TMEM108: variants seen among roughly 807,000 people sequenced by gnomAD.
TMEM108 encodes the protein cancer/testis antigen 124.
Under a neutral mutation model 35.1 loss-of-function variants are expected in TMEM108, and 12 were observed. The ratio of observed to expected loss-of-function variants is 0.34; its 90% CI spans 0.22 to 0.55. TMEM108 has a LOEUF of 0.55. Ranked by LOEUF, TMEM108 falls within the 20% of genes least tolerant of loss-of-function variation. The pLI is 0.89. For missense variants in TMEM108, 680 were observed against 753.3 expected, an observed-to-expected ratio of 0.90 and a Z score of 1.14; for synonymous variants, 287 against 308.6, an observed-to-expected ratio of 0.93 and a Z score of 0.73.
intron 2 of TMEM108, among the ~76,000 whole-genome samples, chr3:133,079,116 G>A (rs1943779837): frequency 6.6e-6 from 1 of 152,186 alleles, no homozygotes; most frequent in Non-Finnish European, 1.5e-5. Context: ...TTACGAAGGG[G>A]AAGACATAAT....
chr3:133,061,319 C>A (rs565799732), intron 2 of TMEM108, among the ~76,000 whole-genome samples: 1 of 151,406 alleles, frequency 6.6e-6, no homozygotes, highest in East Asian at 2.0e-4. Flanking sequence ...TCACGCCATT[C>A]TCCACCTCAG....
intron 2 of TMEM108, among the ~76,000 whole-genome samples, chr3:133,185,784 C>CTTTTTTTTTTTTTT (rs11309146): frequency 2.4e-5 from 3 of 127,094 alleles, no homozygotes; most frequent in African/African-American, 5.7e-5. Context: ...CTTTTCTTTT[C>CTTTTTTTTTTTTTT]TTTTTTTTTT....
chr3:133,096,757 T>G (rs747185325), intron 2 of TMEM108, among the ~76,000 whole-genome samples: 11 of 152,262 alleles, frequency 7.2e-5, no homozygotes, highest in Non-Finnish European at 1.5e-4. Flanking sequence ...ATGTTTCTCA[T>G]ATTCTAGAAG....
chr3:133,310,504 A>T, intron 3 of TMEM108, among the ~76,000 whole-genome samples: 2 of 83,086 alleles, frequency 2.4e-5, no homozygotes, highest in African/African-American at 9.2e-5. Context: ...AGTCTGTTTT[A>T]TCAGAGACTA....
chr3:133,223,752 C>T (rs1946026961), intron 2 of TMEM108, among the ~76,000 whole-genome samples: 1 of 149,780 alleles, frequency 6.7e-6, no homozygotes, highest in Non-Finnish European at 1.5e-5. Flanking sequence ...TATATAGAGG[C>T]AATTAGGAAA....
At chr3:133,038,914 C>T (rs755090445) in intron 1 of TMEM108, among the ~76,000 whole-genome samples, 2 of 152,234 alleles carry the variant, frequency 1.3e-5, no homozygotes, top group Non-Finnish European at 2.9e-5. Flanking sequence ...AGCCGAATTC[C>T]TAGCGCAGCT....
intron 2 of TMEM108, among the ~76,000 whole-genome samples, chr3:133,173,667 C>T (rs1278806773): frequency 2.0e-5 from 3 of 152,078 alleles, no homozygotes; most frequent in African/African-American, 7.2e-5. Flanking sequence ...AGTTAATGAC[C>T]ATATAGCTTT....
rs115749499 is a variant in TMEM108 at position 133,181,789 on chromosome 3, G to A, written c.-46-47477G>A. Among the ~76,000 whole-genome samples, 647 of 152,296 alleles carry A rather than the reference G, an allele frequency of 4.2e-3. 3 individuals are homozygous for A. Among genetic ancestry groups the A allele is most frequent in the African/African-American group, 0.014 (597 of 41,576 alleles). ...ATCTTGGACTTTGGTAATTGCAACA[G>A]AGATTAACCAGCTAGTCAACTGAAA... is the stretch of plus-strand genomic sequence containing the variant. On this transcript the variant is annotated intron_variant, in intron 2 of 5. Transcript: ENST00000321871.
chr3:133,280,094 C>CAGA (rs751233581), intron 3 of TMEM108, among the ~76,000 whole-genome samples: 1 of 152,074 alleles, frequency 6.6e-6, no homozygotes, highest in Non-Finnish European at 1.5e-5. Flanking sequence ...GATCCCCAGT[C>CAGA]AGAGGAGTCA....
chr3:133,260,920 T>C (rs912147636), intron 3 of TMEM108, among the ~76,000 whole-genome samples: 1 of 152,064 alleles, frequency 6.6e-6, no homozygotes, highest in Non-Finnish European at 1.5e-5. Context: ...TGATATAGAG[T>C]GAGAGAGGCA....
At chr3:133,331,007 TG>T (rs1003886836) in intron 3 of TMEM108, among the ~76,000 whole-genome samples, 2 of 152,068 alleles carry the variant, frequency 1.3e-5, no homozygotes, top group African/African-American at 4.8e-5. Context: ...GGGACGGGGA[TG>T]GGGATTTAGA....
Position 133,380,918 on chromosome 3 carries a change from G to A in TMEM108, c.1207G>A (p.Glu403Lys), listed in dbSNP as rs781774491. ...SESTISGAKE[E>K]TVATLTMTDR... ...AAGCACTATTTCTGGAGCCAAGGAG[G>A]AGACTGTGGCCACCCTCACCATGAC... is the stretch of plus-strand genomic sequence containing the variant. Residue 403 changes from glutamate to lysine, a missense_variant, in exon 4 of 6, where the codon GAG becomes AAG. Physicochemically the swap from Glu to Lys is moderately conservative, Grantham distance 56. This residue lies in a region of TMEM108 where 526 missense variants were observed against 532.1 expected (regional missense o/e 0.99). Coordinates refer to ENST00000321871, the MANE Select transcript of TMEM108 (RefSeq NM_023943.4). The surrounding 1 kb of genome is among the most constrained non-coding windows in gnomAD (Gnocchi z 5.3). 2.5e-6 allele frequency: 4 copies of A among 1,614,134 alleles called. No individual in the cohort carries two copies. Among genetic ancestry groups the A allele is most frequent in the Non-Finnish European group, 3.4e-6 (4 of 1,180,014 alleles).
chr3:133,089,923 T>C (rs907110849), intron 2 of TMEM108, among the ~76,000 whole-genome samples: 9 of 152,202 alleles, frequency 5.9e-5, no homozygotes, highest in African/African-American at 1.9e-4. Context: ...TAGAATTTAT[T>C]CCTGAATCAA....
chr3:133,134,209 T>A (rs143812439), intron 2 of TMEM108, among the ~76,000 whole-genome samples: 1,903 of 152,246 alleles, frequency 0.012, 46 homozygotes, highest in African/African-American at 0.044. Flanking sequence ...AATGTTGGTA[T>A]ATCAGTCCTT....
chr3:133,042,093 G>T (rs536207475), intron 1 of TMEM108, among the ~76,000 whole-genome samples: 1 of 152,148 alleles, frequency 6.6e-6, no homozygotes, highest in South Asian at 2.1e-4. Context: ...ATTAGTCAGG[G>T]TTAATTCATC....
At chr3:133,266,097 A>G (rs79141757) in intron 3 of TMEM108, among the ~76,000 whole-genome samples, 1 of 151,894 alleles carries the variant, frequency 6.6e-6, no homozygotes, top group Non-Finnish European at 1.5e-5. Flanking sequence ...GCTCTTAAAA[A>G]ATTAGTTCAC....
chr3:133,156,554 GCTTGGCT>G (rs1242888904), intron 2 of TMEM108, among the ~76,000 whole-genome samples: 9 of 152,260 alleles, frequency 5.9e-5, no homozygotes, highest in African/African-American at 2.2e-4. Context: ...TCTCTCTGAG[GCTTGGCT>G]ATTTTTGTTT....
chr3:133,047,216 G>A (rs1943350584), intron 2 of TMEM108, among the ~76,000 whole-genome samples: 1 of 152,062 alleles, frequency 6.6e-6, no homozygotes, highest in Non-Finnish European at 1.5e-5. Context: ...AAAAGGAGCT[G>A]GTCTTTTCTA....
chr3:133,172,259 C>T (rs1241142797), intron 2 of TMEM108, among the ~76,000 whole-genome samples: 1 of 152,058 alleles, frequency 6.6e-6, no homozygotes, highest in Non-Finnish European at 1.5e-5. Context: ...GTTCCAGGGT[C>T]CTGTTCTTAA....
Sources: gnomAD v4.1 joint callset for allele counts (sites outside exome capture counted in the v4.1 genomes callset) on GRCh38, gnomAD v4.1.1 for gene constraint, gnomAD v4.1.1 regional missense constraint, Gnocchi (gnomAD v3.1) non-coding constraint, MANE v1.5 for transcripts, NCBI Gene and HGNC (gene_info 2026-07-23, HGNC 2026-07-21) for gene names.